CES4A: variants seen among roughly 807,000 people sequenced by gnomAD.
CES4A encodes the protein carboxylesterase 6.
A neutral mutation model predicts 65.4 loss-of-function variants in CES4A; 48 were observed. The observed-to-expected ratio is 0.73, with a 90% CI of 0.58 to 0.93. The LOEUF (loss-of-function observed/expected upper bound fraction) is 0.93. Among genes scored for constraint, CES4A ranks in the 40% least tolerant of loss-of-function variants. CES4A has a pLI of 0.00. For missense variants in CES4A, 685 were observed against 728.5 expected, an observed-to-expected ratio of 0.94 and a Z score of 0.69; for synonymous variants, 247 against 281.8, an observed-to-expected ratio of 0.88 and a Z score of 1.24.
At chr16:67,007,279 A>G (rs1254061455) in intron 13 of CES4A, 1 of 155,136 alleles carries the variant, frequency 6.4e-6, no homozygotes, top group Non-Finnish European at 1.4e-5. Context: ...AGCTTTGGCT[A>G]GCCTTGTGAC....
At chr16:66,999,257 G>A (rs1965094979) in intron 2 of CES4A, among the ~76,000 whole-genome samples, 2 of 152,212 alleles carry the variant, frequency 1.3e-5, no homozygotes, top group African/African-American at 2.4e-5. Flanking sequence ...AGGGTGTCCT[G>A]CGCCCAATCA....
intron 2 of CES4A, among the ~76,000 whole-genome samples, chr16:66,999,099 A>G (rs548221402): frequency 6.6e-6 from 1 of 152,330 alleles, no homozygotes. Context: ...GTGGTTTACT[A>G]GACAGCATTC....
exon 2 of CES4A, chr16:66,995,692 G>C (rs1276673768): frequency 6.2e-6 from 10 of 1,614,238 alleles, no homozygotes; most frequent in Non-Finnish European, 8.5e-6. Flanking sequence ...GAAAACAGAT[G>C]CATGTGGGGA....
rs553038464 is a variant in CES4A, at chr16:67,006,042, G to C, written c.1316-349G>C. The C allele has an allele frequency of 4.1e-5, 10 of 245,910 alleles. No individual in the cohort carries two copies. The East Asian group carries it at 5.8e-4, about 14-fold the overall frequency. The allele number at this position is 245,910 out of a possible 1,614,324, so 15.2% of individuals were successfully genotyped here. A position where few individuals can be genotyped will look rare whatever the true frequency, so the allele number is the denominator to read the frequency against. On this transcript the variant is annotated intron_variant, in intron 11 of 13. Transcript: ENST00000648724. ...CATGTGGGTAACAGGTTAAAGGGGG[G>C]GGGGCTGGAAAATGCAGACACCAAA...
chr16:67,006,684 T>C lies in CES4A; in HGVS notation c.1445-61T>C, dbSNP rs375960783. Reference sequence around the variant, plus strand: ...CCGGAAGCAGCAGAAGCAGCAGGAGTAGGGTGGGAGGTCAGTGTCCCCTGC... The same window carrying C: ...CCGGAAGCAGCAGAAGCAGCAGGAGCAGGGTGGGAGGTCAGTGTCCCCTGC... On this transcript the variant is annotated intron_variant, in intron 12 of 13. Coordinates refer to ENST00000648724, the Ensembl canonical transcript of CES4A. The C allele has an allele frequency of 1.1e-4, 165 of 1,554,732 alleles. 1 individual carries two copies. In the African/African-American group the frequency reaches 1.7e-3, roughly 16 times the overall value.
chr16:67,003,809 G>A lies in CES4A; in HGVS notation c.939+256G>A, dbSNP rs984692026. Among the ~76,000 whole-genome samples, 4 of 152,202 alleles carry A rather than the reference G, an allele frequency of 2.6e-5. No individual in the cohort carries two copies. The highest frequency in any genetic ancestry group is 5.9e-5 in the Non-Finnish European group (4 of 68,032). ...TATGGACTTTTAAATAGAATGGCTA[G>A]AACAGGACTCAGTGAAGTGAAATTT... is the stretch of plus-strand genomic sequence containing the variant. On this transcript the variant is annotated intron_variant, in intron 8 of 13. Coordinates refer to ENST00000648724, the Ensembl canonical transcript of CES4A. The surrounding 1 kb of genome is among the most constrained non-coding windows in gnomAD (Gnocchi z 4.2).
rs765101922 is a variant in CES4A, at chr16:67,004,229, G to T, written c.1080+5G>T. 2 of 1,614,062 alleles carry T rather than the reference G, an allele frequency of 1.2e-6. No homozygotes were observed. The highest frequency in any genetic ancestry group is 2.2e-5 in the East Asian group (1 of 44,878). ...TTCAATTGGCTCTTGCCTTATGTAAGTGAGTAGGAGTTCAATTGGCTCTTG... is the reference window on the plus strand; with the variant it reads ...TTCAATTGGCTCTTGCCTTATGTAATTGAGTAGGAGTTCAATTGGCTCTTG... On this transcript the variant is annotated splice_donor_5th_base_variant and intron_variant, in intron 9 of 13. Coordinates refer to ENST00000648724, the Ensembl canonical transcript of CES4A.
At chr16:67,005,012 G>T in intron 10 of CES4A, 139 bp downstream of exon 10, 1 of 787,682 alleles carries the variant, frequency 1.3e-6, no homozygotes, top group Non-Finnish European at 2.1e-6. Context: ...GTTTGCTGTG[G>T]GATCAGATGA....
At chr16:67,004,327 T>C (rs1965585278) in intron 9 of CES4A, 103 bp downstream of exon 9, 2 of 1,295,448 alleles carry the variant, frequency 1.5e-6, no homozygotes, top group Middle Eastern at 4.4e-4. Context: ...CCAGGTCAGA[T>C]GCCAGTAGCC....
intron 1 of CES4A, among the ~76,000 whole-genome samples, chr16:66,995,138 C>T (rs1287458295): frequency 6.6e-6 from 1 of 151,738 alleles, no homozygotes; most frequent in Non-Finnish European, 1.5e-5. Context: ...GGTGAAACAC[C>T]GCCTCTACTA....
chr16:67,010,034 G>T (rs1284244339), downstream of CES4A, among the ~76,000 whole-genome samples: 1 of 150,406 alleles, frequency 6.6e-6, no homozygotes, highest in African/African-American at 2.4e-5. Flanking sequence ...ATCCCAGCCT[G>T]TCCCACAGTT....
At chr16:67,009,519 T>C (rs1966023327) in exon 14 of CES4A, 2 of 175,080 alleles carry the variant, frequency 1.1e-5, no homozygotes, top group Non-Finnish European at 2.4e-5. Context: ...AGACTGCCAC[T>C]GCCCCTGTCA....
intron 2 of CES4A, among the ~76,000 whole-genome samples, chr16:66,997,397 C>A (rs1027164837): frequency 6.6e-6 from 1 of 152,022 alleles, no homozygotes; most frequent in Non-Finnish European, 1.5e-5. Context: ...CAGAATAGCC[C>A]ATGGGGTGGT....
chr16:66,993,536 GTT>G (rs548017765), intron 1 of CES4A, among the ~76,000 whole-genome samples: 1 of 151,810 alleles, frequency 6.6e-6, no homozygotes, highest in South Asian at 2.1e-4. Flanking sequence ...AGAGACAGGG[GTT>G]TCACCATGTT....
At chr16:67,005,903 G>A (rs537259586) in intron 11 of CES4A, 1 of 174,668 alleles carries the variant, frequency 5.7e-6, no homozygotes, top group East Asian at 1.7e-4. Context: ...AGGAACAAGG[G>A]CAGGACCTCA....
chr16:67,009,433 CCT>C (rs1966017107), exon 14 of CES4A: 1 of 295,242 alleles, frequency 3.4e-6, no homozygotes. Flanking sequence ...CTCAGGACAA[CCT>C]CTTTTTTTCC....
intron 9 of CES4A, 21 bp downstream of exon 9, chr16:67,004,245 T>C (rs529757881): frequency 3.7e-6 from 6 of 1,613,836 alleles, no homozygotes; most frequent in East Asian, 2.2e-5. Flanking sequence ...AGGAGTTCAA[T>C]TGGCTCTTGC....
Position 67,003,636 on chromosome 16 carries a change from C to A in CES4A, c.939+83C>A. 2 of 1,128,696 alleles carry A rather than the reference C, an allele frequency of 1.8e-6. No homozygotes were observed. Among genetic ancestry groups the A allele is most frequent in the South Asian group, 1.2e-5 (1 of 81,166 alleles). 69.9% of individuals were successfully genotyped at this position (1,128,696 alleles called of 1,614,324 possible). ...CACTTGGGATACTTAGGGAATTGTTCAGGCCAAGATCCCTTCCCTAGTGGA... is the reference window on the plus strand; with the variant it reads ...CACTTGGGATACTTAGGGAATTGTTAAGGCCAAGATCCCTTCCCTAGTGGA... On this transcript the variant is annotated intron_variant, in intron 8 of 13. Coordinates refer to ENST00000648724, the Ensembl canonical transcript of CES4A. The surrounding 1 kb of genome is among the most constrained non-coding windows in gnomAD (Gnocchi z 4.2).
chr16:67,001,745 C>A lies in CES4A; in HGVS notation c.690+284C>A, dbSNP rs544722014. Among the ~76,000 whole-genome samples the A allele has an allele frequency of 9.2e-5, 14 of 152,368 alleles. No homozygotes were observed. The South Asian group carries it at 2.1e-3, about 23-fold the overall frequency. On this transcript the variant is annotated intron_variant, in intron 5 of 13. Transcript: ENST00000648724. The surrounding 1 kb of genome is among the most constrained non-coding windows in gnomAD (Gnocchi z 4.1). Reference sequence around the variant, plus strand: ...CCAGCACCTTCTGCCTCTCCACATTCCCCCAGAACTCTATCCCCTGAACAG... The same window carrying A: ...CCAGCACCTTCTGCCTCTCCACATTACCCCAGAACTCTATCCCCTGAACAG...
Sources: allele counts gnomAD v4.1 joint callset (sites outside exome capture counted in the v4.1 genomes callset), GRCh38; gene constraint gnomAD v4.1.1; non-coding constraint Gnocchi (gnomAD v3.1); transcripts MANE v1.5; gene names NCBI Gene and HGNC (gene_info 2026-07-23, HGNC 2026-07-21).